The following FMN1 variants were observed in gnomAD, a reference collection of about 807,000 sequenced individuals.
FMN1 encodes the protein formin-1.
FMN1 carries 110 observed loss-of-function variants against 132.4 expected under a neutral mutation model. The ratio of observed to expected loss-of-function variants is 0.83; its 90% CI spans 0.71 to 0.97. The LOEUF (loss-of-function observed/expected upper bound fraction) is 0.97. FMN1 is among the 50% of genes least tolerant of loss of function. The pLI, the probability that FMN1 is intolerant of heterozygous loss-of-function variation, is 0.00. For missense variants in FMN1, 1,792 were observed against 1,705.3 expected (o/e 1.05, Z -0.90); for synonymous variants, 722 against 651.7 (o/e 1.11, Z -1.64).
At chr15:32,982,365 A>G (rs907821931) in intron 7 of FMN1, among the ~76,000 whole-genome samples, 4 of 152,214 alleles carry the variant, frequency 2.6e-5, no homozygotes, top group Admixed American at 1.3e-4. Context: ...GCCATTTCTT[A>G]TAAAGTTAAA....
chr15:33,032,162 G>A lies in FMN1; in HGVS notation c.2162-24087C>T, dbSNP rs565333696. On this transcript the variant is annotated intron_variant, in intron 6 of 20. Transcript: ENST00000616417. ...TTTAACCATAGTATTCCACTTGTAGGACACTTAGGGTCATTAGTTAGGAAA... is the reference window on the plus strand; with the variant it reads ...TTTAACCATAGTATTCCACTTGTAGAACACTTAGGGTCATTAGTTAGGAAA... Among the ~76,000 whole-genome samples, 6 of 152,242 alleles carry A rather than the reference G, an allele frequency of 3.9e-5. No homozygotes were observed. In the South Asian group the frequency reaches 1.2e-3, roughly 32 times the overall value.
chr15:32,928,136 G>A (rs533324626), intron 9 of FMN1, among the ~76,000 whole-genome samples: 3 of 151,946 alleles, frequency 2.0e-5, no homozygotes, highest in African/African-American at 7.2e-5. Context: ...TTCATATAAC[G>A]ATTAGACCTA....
chr15:33,051,647 A>G lies in FMN1; in HGVS notation c.2161+13310T>C, dbSNP rs546086657. On this transcript the variant is annotated intron_variant, in intron 6 of 20. Coordinates refer to ENST00000616417, the MANE Select transcript of FMN1 (RefSeq NM_001277313.2). Reference sequence around the variant, plus strand: ...TGGGCATGAAGAGGCAAAACAGCAGAGTTTTTAGCTGGTATATGACCTTCC... The same window carrying G: ...TGGGCATGAAGAGGCAAAACAGCAGGGTTTTTAGCTGGTATATGACCTTCC... Among the ~76,000 whole-genome samples the G allele has an allele frequency of 2.6e-5, 4 of 152,300 alleles. 1 individual carries two copies. The highest frequency in any genetic ancestry group is 9.6e-5 in the African/African-American group (4 of 41,568).
At chr15:32,782,195 C>T (rs906436879) in intron 19 of FMN1, among the ~76,000 whole-genome samples, 23 of 152,216 alleles carry the variant, frequency 1.5e-4, no homozygotes, top group African/African-American at 5.3e-4. Flanking sequence ...GACTTAGGGA[C>T]AACGAGCAGG....
intron 9 of FMN1, among the ~76,000 whole-genome samples, chr15:32,959,078 C>T (rs1291403025): frequency 6.6e-6 from 1 of 150,846 alleles, no homozygotes; most frequent in African/African-American, 2.4e-5. Flanking sequence ...TTCATATTCA[C>T]GTTTCAATGC....
At chr15:33,023,510 A>G (rs961250743) in intron 6 of FMN1, among the ~76,000 whole-genome samples, 1 of 152,214 alleles carries the variant, frequency 6.6e-6, no homozygotes, top group African/African-American at 2.4e-5. Flanking sequence ...ACAAGAAACA[A>G]TAGTAGGTGA....
intron 6 of FMN1, among the ~76,000 whole-genome samples, chr15:33,050,112 G>A (rs940457367): frequency 1.3e-5 from 2 of 152,182 alleles, no homozygotes; most frequent in African/African-American, 4.8e-5. Flanking sequence ...GCTAAAGTGT[G>A]TTCTGAGCAT....
intron 2 of FMN1, among the ~76,000 whole-genome samples, chr15:33,182,512 T>C (rs1965739586): frequency 6.6e-6 from 1 of 152,166 alleles, no homozygotes; most frequent in Non-Finnish European, 1.5e-5. Flanking sequence ...ACCTACTCAG[T>C]GGGAAGATGG....
chr15:32,980,256 G>T (rs192764861), intron 7 of FMN1, among the ~76,000 whole-genome samples: 5 of 151,846 alleles, frequency 3.3e-5, no homozygotes, highest in African/African-American at 4.8e-5. Flanking sequence ...CTTAAGAAAT[G>T]GACCCAAAGA....
chr15:33,047,919 A>T, intron 6 of FMN1, among the ~76,000 whole-genome samples: 1 of 152,146 alleles, frequency 6.6e-6, no homozygotes, highest in Non-Finnish European at 1.5e-5. Context: ...TCTTACAACT[A>T]TTGGATCTTC....
At chr15:33,124,393 A>AC (rs778124467) in intron 4 of FMN1, among the ~76,000 whole-genome samples, 1 of 151,854 alleles carries the variant, frequency 6.6e-6, no homozygotes, top group African/African-American at 2.4e-5. Context: ...TGTACATTTC[A>AC]CCCCCCTTGC....
chr15:32,833,318 G>T (rs549886511), intron 17 of FMN1, among the ~76,000 whole-genome samples: 1 of 152,280 alleles, frequency 6.6e-6, no homozygotes, highest in Admixed American at 6.5e-5. Flanking sequence ...AAGGGCTTGG[G>T]TTAAGGGAAT....
Position 32,902,300 on chromosome 15 carries a change from T to C in FMN1, c.3378-260A>G, listed in dbSNP as rs192281189. On this transcript the variant is annotated intron_variant, in intron 12 of 20. Transcript: ENST00000616417. ...TTCGGGAACAGAAAGTTAACACAAGTATACTAAACAAGTTATCTATCTCCT... is the reference window on the plus strand; with the variant it reads ...TTCGGGAACAGAAAGTTAACACAAGCATACTAAACAAGTTATCTATCTCCT... 1.2e-4 allele frequency among the ~76,000 whole-genome samples: 18 copies of C among 152,258 alleles called. No individual in the cohort carries two copies. The East Asian group carries it at 3.5e-3, about 29-fold the overall frequency.
chr15:33,024,934 C>G (rs2035596771), intron 6 of FMN1, among the ~76,000 whole-genome samples: 2 of 152,162 alleles, frequency 1.3e-5, no homozygotes, highest in Non-Finnish European at 2.9e-5. Context: ...ATAAATCTAA[C>G]AAACATTATT....
At chr15:33,116,958 C>A (rs1465107010) in intron 4 of FMN1, among the ~76,000 whole-genome samples, 1 of 152,290 alleles carries the variant, frequency 6.6e-6, no homozygotes, top group Non-Finnish European at 1.5e-5. Flanking sequence ...ACTATTGTTT[C>A]CACCAATACA....
At chr15:33,169,454 T>TA (rs973681230) in intron 3 of FMN1, among the ~76,000 whole-genome samples, 1 of 152,142 alleles carries the variant, frequency 6.6e-6, no homozygotes, top group African/African-American at 2.4e-5. Context: ...ATATACGCAA[T>TA]AAAAAAATTC....
At chr15:33,014,904 T>C (rs1423688986) in intron 6 of FMN1, among the ~76,000 whole-genome samples, 1 of 152,230 alleles carries the variant, frequency 6.6e-6, no homozygotes, top group African/African-American at 2.4e-5. Context: ...TTTACCTAAT[T>C]ACATATGGGT....
chr15:32,821,880 C>A (rs893485297), intron 17 of FMN1, among the ~76,000 whole-genome samples: 1 of 152,174 alleles, frequency 6.6e-6, no homozygotes, highest in African/African-American at 2.4e-5. Context: ...CTAAATTCTA[C>A]GGTCACATCC....
At chr15:33,117,388 T>C (rs909131720) in intron 4 of FMN1, among the ~76,000 whole-genome samples, 3 of 152,238 alleles carry the variant, frequency 2.0e-5, no homozygotes, top group African/African-American at 4.8e-5. Flanking sequence ...TTTTGATTAC[T>C]GGCATTCTGA....
Sources: gnomAD v4.1 joint callset for allele counts (sites outside exome capture counted in the v4.1 genomes callset) on GRCh38, gnomAD v4.1.1 for gene constraint, MANE v1.5 for transcripts, NCBI Gene and HGNC (gene_info 2026-07-23, HGNC 2026-07-21) for gene names.